The following GRIP1 variants were observed in gnomAD, a reference collection of about 807,000 sequenced individuals.
The protein encoded by GRIP1 is glutamate receptor-interacting protein 1.
Under a neutral mutation model 129.9 loss-of-function variants are expected in GRIP1, and 45 were observed. That is an observed-to-expected ratio of 0.35 (90% CI 0.27 to 0.44). The LOEUF is 0.44. GRIP1 is among the 20% of genes least tolerant of loss of function. The probability of loss-of-function intolerance (pLI) is 1.00; values close to 1 mark genes in which losing one functional copy is unlikely to be tolerated. For synonymous variants in GRIP1, 530 were observed against 520.8 expected, an observed-to-expected ratio of 1.02 and a Z score of -0.24; for missense variants, 1,196 against 1,396.8, an observed-to-expected ratio of 0.86 and a Z score of 2.29.
At chr12:66,925,106 A>G (rs903292496) in intron 1 of GRIP1, among the ~76,000 whole-genome samples, 1 of 152,358 alleles carries the variant, frequency 6.6e-6, no homozygotes, top group East Asian at 1.9e-4. Flanking sequence ...ACTTGAGATA[A>G]GATTCATAGG....
At chr12:66,817,765 CAT>C (rs770778923) in intron 1 of GRIP1, among the ~76,000 whole-genome samples, 19 of 152,264 alleles carry the variant, frequency 1.2e-4, no homozygotes, top group Non-Finnish European at 2.2e-4. Context: ...AAATACATCA[CAT>C]GTTAATATAA....
intron 15 of GRIP1, 23 bp from the exon 16 acceptor site, chr12:66,406,451 A>G: frequency 6.2e-7 from 1 of 1,612,416 alleles, no homozygotes; most frequent in Non-Finnish European, 8.5e-7. Context: ...GCAAAGTAAC[A>G]CATGACTAAT....
chr12:67,010,440 C>T (rs2042688560), intron 1 of GRIP1, among the ~76,000 whole-genome samples: 1 of 152,076 alleles, frequency 6.6e-6, no homozygotes, highest in Admixed American at 6.6e-5. Context: ...ATAATAATGA[C>T]TATGGCAAGA....
intron 13 of GRIP1, among the ~76,000 whole-genome samples, chr12:66,440,411 T>C (rs1246082659): frequency 6.6e-6 from 1 of 152,208 alleles, no homozygotes; most frequent in Non-Finnish European, 1.5e-5. Context: ...TCTTATTCAT[T>C]CTTTCCAAAT....
chr12:66,599,345 T>C (rs1032469217), intron 1 of GRIP1, among the ~76,000 whole-genome samples: 1 of 152,202 alleles, frequency 6.6e-6, no homozygotes, highest in African/African-American at 2.4e-5. Context: ...CAATAATTCC[T>C]AATGGAAGGG....
At chr12:66,423,707 T>C (rs2057888701) in intron 14 of GRIP1, among the ~76,000 whole-genome samples, 1 of 152,192 alleles carries the variant, frequency 6.6e-6, no homozygotes, top group African/African-American at 2.4e-5. Flanking sequence ...CTCCTGAAGT[T>C]ATTAGGCATG....
intron 1 of GRIP1, among the ~76,000 whole-genome samples, chr12:66,746,920 A>G (rs1423658438): frequency 6.6e-6 from 1 of 152,224 alleles, no homozygotes; most frequent in Non-Finnish European, 1.5e-5. Context: ...CACTGCTAGC[A>G]GAACAATAAA....
At position 67,049,813 on chromosome 12, in the gene GRIP1, T is replaced by C. The variant is rs545631581; in HGVS notation, c.58+19237A>G. Among the ~76,000 whole-genome samples the C allele has an allele frequency of 3.3e-4, 50 of 152,000 alleles. No individual in the cohort carries two copies. The South Asian group carries it at 9.4e-3, about 28-fold the overall frequency. On this transcript the variant is annotated intron_variant, in intron 1 of 1. Coordinates refer to the GRIP1 transcript ENST00000643019. ...GATAAAAATACCTATTTGAGATGAA[T>C]TGTCACTTAAACTAAGTGAAATAAC...
intron 4 of GRIP1, among the ~76,000 whole-genome samples, chr12:66,535,232 T>C: frequency 1.3e-5 from 2 of 152,272 alleles, no homozygotes; most frequent in Middle Eastern, 6.8e-3. Context: ...TGTGTTTTAT[T>C]GATATTCATA....
chr12:66,489,744 G>C (rs2060055339), intron 7 of GRIP1, among the ~76,000 whole-genome samples: 1 of 152,078 alleles, frequency 6.6e-6, no homozygotes, highest in Admixed American at 6.6e-5. Context: ...AGCTTCTTAA[G>C]CCTGACAAGC....
intron 15 of GRIP1, among the ~76,000 whole-genome samples, chr12:66,412,455 C>T (rs772080184): frequency 1.3e-5 from 2 of 152,172 alleles, no homozygotes; most frequent in Non-Finnish European, 2.9e-5. Context: ...CACTATCAGG[C>T]CTACCTTGCA....
intron 14 of GRIP1, among the ~76,000 whole-genome samples, chr12:66,425,071 G>A (rs1460118611): frequency 6.6e-6 from 1 of 152,130 alleles, no homozygotes; most frequent in African/African-American, 2.4e-5. Context: ...GAGTGCAAGG[G>A]AGAAGAGTTT....
At chr12:66,958,808 C>G (rs1269969313) in intron 1 of GRIP1, among the ~76,000 whole-genome samples, 1 of 152,044 alleles carries the variant, frequency 6.6e-6, no homozygotes, top group Non-Finnish European at 1.5e-5. Context: ...CTGGTTATTT[C>G]CTTAGGATAA....
intron 1 of GRIP1, among the ~76,000 whole-genome samples, chr12:67,063,984 G>T (rs1342488137): frequency 6.6e-6 from 1 of 152,038 alleles, no homozygotes; most frequent in Admixed American, 6.6e-5. Context: ...TTCAATTCTT[G>T]TTAATGCTTG....
intron 1 of GRIP1, among the ~76,000 whole-genome samples, chr12:66,784,367 C>T (rs1280992386): frequency 6.6e-6 from 1 of 152,182 alleles, no homozygotes; most frequent in Non-Finnish European, 1.5e-5. Flanking sequence ...GTACTAACCT[C>T]TTCACATGCA....
chr12:66,601,222 C>T (rs2064261147), intron 1 of GRIP1, among the ~76,000 whole-genome samples: 1 of 152,162 alleles, frequency 6.6e-6, no homozygotes, highest in South Asian at 2.1e-4. Flanking sequence ...AAACACAGAT[C>T]ATTTGTTTTG....
At chr12:66,857,924 A>G (rs191023636) in intron 1 of GRIP1, among the ~76,000 whole-genome samples, 2 of 151,994 alleles carry the variant, frequency 1.3e-5, no homozygotes, top group Non-Finnish European at 2.9e-5. Flanking sequence ...GTAAAGCCAT[A>G]TTAATGTCGA....
chr12:66,621,047 C>A (rs2065246383), intron 1 of GRIP1, among the ~76,000 whole-genome samples: 1 of 145,182 alleles, frequency 6.9e-6, no homozygotes, highest in Non-Finnish European at 1.6e-5. Context: ...TTTGGAAAAG[C>A]ATTTTATAAA....
intron 5 of GRIP1, among the ~76,000 whole-genome samples, chr12:66,521,222 G>A (rs1225250181): frequency 6.6e-6 from 1 of 152,092 alleles, no homozygotes; most frequent in African/African-American, 2.4e-5. Flanking sequence ...TGACTCCATA[G>A]TACTTCTTTC....
Sources: allele counts gnomAD v4.1 joint callset (sites outside exome capture counted in the v4.1 genomes callset), GRCh38; gene constraint gnomAD v4.1.1; transcripts MANE v1.5; gene names NCBI Gene and HGNC (gene_info 2026-07-23, HGNC 2026-07-21).